The following CFAP74 variants were observed in gnomAD, a reference collection of about 807,000 sequenced individuals.
CFAP74 encodes the protein cilia and flagella associated protein 74, also known as cilia- and flagella-associated protein 74.
In CFAP74, 124 loss-of-function variants were observed where a neutral mutation model predicts 188.9. That is an observed-to-expected ratio of 0.66 (90% CI 0.57 to 0.76). The LOEUF (loss-of-function observed/expected upper bound fraction) is 0.76. Ranked by LOEUF, CFAP74 falls within the 30% of genes least tolerant of loss-of-function variation. CFAP74 has a pLI of 0.00. For synonymous variants in CFAP74, 956 were observed against 916.7 expected (o/e 1.04, Z -0.77); for missense variants, 2,198 against 2,165.2 (o/e 1.02, Z -0.30).
chr1:1,960,050 G>T lies in CFAP74; in HGVS notation c.1695-20C>A. On this transcript the variant is annotated intron_variant, in intron 14 of 38. Coordinates refer to ENST00000682832, the MANE Select transcript of CFAP74 (RefSeq NM_001304360.2). ...TCAAAGCTGCAGGACGTGACCCATA[G>T]CACACGGGGGTTAGTGCTGCGGAGG... The T allele has an allele frequency of 6.3e-7, 1 of 1,592,474 alleles. No homozygotes were observed. Among genetic ancestry groups the T allele is most frequent in the Non-Finnish European group, 8.5e-7 (1 of 1,169,858 alleles).
chr1:1,991,218 G>A (rs1162857867), intron 1 of CFAP74, among the ~76,000 whole-genome samples: 2 of 152,200 alleles, frequency 1.3e-5, no homozygotes, highest in African/African-American at 4.8e-5. Context: ...GCTCATGCCT[G>A]TAATCCCAGC....
rs1326795409 is a variant in CFAP74, at chr1:1,944,524, A to C, written c.2365-72T>G. 8.1e-6 allele frequency: 12 copies of C among 1,489,466 alleles called. No homozygotes were observed. The Admixed American group carries it at 2.4e-4, about 30-fold the overall frequency. 92.3% of individuals were successfully genotyped at this position (1,489,466 alleles called of 1,614,324 possible). ...GCAGGCATTGTTGGTGAGCACTGAC[A>C]CAGCTCCCAGGAGGAACGTTTCATG... is the stretch of plus-strand genomic sequence containing the variant. On this transcript the variant is annotated intron_variant, in intron 20 of 38. Transcript: ENST00000682832.
rs370874469 is a variant in CFAP74, at chr1:1,961,485, A to C, written c.1695-1455T>G. The stretch of plus-strand genomic sequence containing the variant: ...CAGAGGGCAGGAGAGTGGTGGCCTC[A>C]ACCTGTTGAGAGAAAATAACCGTCC... On this transcript the variant is annotated intron_variant, in intron 14 of 38. Coordinates refer to ENST00000682832, the MANE Select transcript of CFAP74 (RefSeq NM_001304360.2). Among the ~76,000 whole-genome samples the C allele has an allele frequency of 3.9e-5, 6 of 152,314 alleles. No individual in the cohort carries two copies. The South Asian group carries it at 8.3e-4, about 21-fold the overall frequency.
chr1:1,974,403 T>C (rs543478222), intron 6 of CFAP74, among the ~76,000 whole-genome samples: 2 of 152,252 alleles, frequency 1.3e-5, no homozygotes, highest in African/African-American at 2.4e-5. Flanking sequence ...AAAATCACTA[T>C]GGGTTCAATC....
At position 1,994,219 on chromosome 1, in the gene CFAP74, G is replaced by A. The variant is rs140420827; in HGVS notation, c.-19-3244C>T. ...GCTTTAAGTCAATGTACCTAGTATA[G>A]AGACAGACATTTAACATTGGGAATT... On this transcript the variant is annotated intron_variant, in intron 1 of 38. Transcript: ENST00000682832. Among the ~76,000 whole-genome samples, 622 of 146,826 alleles carry A rather than the reference G, an allele frequency of 4.2e-3. 8 individuals carry two copies. Among genetic ancestry groups the A allele is most frequent in the African/African-American group, 0.015 (596 of 39,980 alleles).
intron 3 of CFAP74, 71 bp downstream of exon 3, chr1:1,988,818 A>AG: frequency 1.5e-5 from 4 of 263,640 alleles, no homozygotes; most frequent in East Asian, 9.4e-5. Context: ...CGCTCCCTTC[A>AG]CCCACCCCCC....
intron 29 of CFAP74, 58 bp downstream of exon 29, chr1:1,926,836 C>T: frequency 6.5e-7 from 1 of 1,549,146 alleles, no homozygotes; most frequent in Non-Finnish European, 8.7e-7. Flanking sequence ...TGGGCAGTAG[C>T]AGAGGGACAG....
Position 1,973,727 on chromosome 1 carries a change from G to T in CFAP74, c.674+298C>A, listed in dbSNP as rs938789407. The stretch of plus-strand genomic sequence containing the variant: ...GGGAAGAGGAAGGGGCTGCCGGAGG[G>T]AAAGGGGAGGGGCAGTCTTGCTGGA... On this transcript the variant is annotated intron_variant, in intron 7 of 38. Coordinates refer to ENST00000682832, the MANE Select transcript of CFAP74 (RefSeq NM_001304360.2). The surrounding 1 kb of genome is among the most constrained non-coding windows in gnomAD (Gnocchi z 6.2). Among the ~76,000 whole-genome samples, 2 of 152,096 alleles carry T rather than the reference G, an allele frequency of 1.3e-5. No homozygotes were observed. Among genetic ancestry groups the T allele is most frequent in the Admixed American group, 1.3e-4 (2 of 15,268 alleles).
chr1:1,992,898 A>G (rs1445725994), intron 1 of CFAP74, among the ~76,000 whole-genome samples: 1 of 152,052 alleles, frequency 6.6e-6, no homozygotes, highest in Admixed American at 6.5e-5. Flanking sequence ...GTTGGAACTA[A>G]ATAATTTCAC....
At chr1:1,969,334 AGCCCT>A (rs1655746585) in intron 10 of CFAP74, among the ~76,000 whole-genome samples, 2 of 106,188 alleles carry the variant, frequency 1.9e-5, no homozygotes, top group Non-Finnish European at 3.7e-5. Flanking sequence ...TGCCTTGCCC[AGCCCT>A]GCCCTGCCCA....
chr1:1,934,989 G>A (rs1454416217), intron 25 of CFAP74, among the ~76,000 whole-genome samples: 1 of 79,656 alleles, frequency 1.3e-5, no homozygotes, highest in Non-Finnish European at 2.6e-5. Flanking sequence ...GTGTTAGGTT[G>A]TAGGTACACA....
chr1:1,961,590 C>T (rs369007237), intron 14 of CFAP74, among the ~76,000 whole-genome samples: 15 of 152,098 alleles, frequency 9.9e-5, no homozygotes, highest in Non-Finnish European at 1.6e-4. Context: ...CACCTCTGCA[C>T]GCGCCCTCCA....
chr1:1,968,271 G>A lies in CFAP74; in HGVS notation c.1245+364C>T, dbSNP rs1334913045. Among the ~76,000 whole-genome samples the A allele has an allele frequency of 6.6e-6, 1 of 152,186 alleles. No homozygotes were observed. The highest frequency in any genetic ancestry group is 1.5e-5 in the Non-Finnish European group (1 of 68,024). On this transcript the variant is annotated intron_variant, in intron 11 of 38. Coordinates refer to ENST00000682832, the MANE Select transcript of CFAP74 (RefSeq NM_001304360.2). The surrounding 1 kb of genome is among the most constrained non-coding windows in gnomAD (Gnocchi z 4.3). ...TCCCAGGCATGTGGTCTGAACGGCT[G>A]TGCACATCTCCCTGGCAGGCGGCTG... is the stretch of plus-strand genomic sequence containing the variant.
At chr1:1,940,267 C>T (rs1381931646) in intron 23 of CFAP74, 49 bp downstream of exon 23, 1 of 1,432,424 alleles carries the variant, frequency 7.0e-7, no homozygotes. Context: ...AGGAAAGCCC[C>T]TGCTACCCAG....
intron 3 of CFAP74, 37 bp downstream of exon 3, chr1:1,988,852 C>T (rs1570985298): frequency 4.0e-6 from 2 of 499,246 alleles, no homozygotes; most frequent in Non-Finnish European, 7.2e-6. Context: ...ACCCCCACCC[C>T]CCCACACCCA....
chr1:1,923,410 C>T lies in CFAP74; in HGVS notation c.4479G>A (p.Glu1493=), dbSNP rs753774045. 7 of 1,597,964 alleles carry T rather than the reference C, an allele frequency of 4.4e-6. No individual in the cohort carries two copies. The South Asian group carries it at 7.9e-5, about 18-fold the overall frequency. The change falls in exon 36 of 39, where the codon GAG becomes GAA. Residue 1493 remains glutamate (E), a synonymous_variant. Transcript: ENST00000682832. The surrounding 1 kb of genome is among the most constrained non-coding windows in gnomAD (Gnocchi z 6.3). ...EGGDPLDVPV[E]SLTAIPVFDP... is the part of the protein sequence containing the mutation. ...CAAATACAGGGATCGCTGTCAGAGA[C>T]TCCACGGGCACGTCCAGGGGGTCGC...
At chr1:1,958,267 C>T (rs891337023) in intron 16 of CFAP74, among the ~76,000 whole-genome samples, 2 of 152,228 alleles carry the variant, frequency 1.3e-5, no homozygotes, top group African/African-American at 4.8e-5. Context: ...CTTCGCCTGC[C>T]CCGGCTTGTT....
At chr1:1,998,368 C>G (rs1244754213) in intron 1 of CFAP74, among the ~76,000 whole-genome samples, 1 of 152,086 alleles carries the variant, frequency 6.6e-6, no homozygotes, top group Admixed American at 6.6e-5. Context: ...GAGGCATCTG[C>G]AAAGGTTTTT....
chr1:1,969,259 A>T (rs1351591543), intron 10 of CFAP74, among the ~76,000 whole-genome samples: 8 of 30,458 alleles, frequency 2.6e-4, no homozygotes, highest in East Asian at 1.3e-3. Flanking sequence ...AGCCCTGCCC[A>T]ACCCAGCCCT....
Sources: allele counts gnomAD v4.1 joint callset (sites outside exome capture counted in the v4.1 genomes callset), GRCh38; gene constraint gnomAD v4.1.1; non-coding constraint Gnocchi (gnomAD v3.1); transcripts MANE v1.5; gene names NCBI Gene and HGNC (gene_info 2026-07-23, HGNC 2026-07-21).